Variants in AGPAT3 observed in about 807,000 individuals in gnomAD.
The protein encoded by AGPAT3 is 1-acyl-sn-glycerol-3-phosphate acyltransferase gamma.
Under a neutral mutation model 47.3 loss-of-function variants are expected in AGPAT3, and 5 were observed. That is an observed-to-expected ratio of 0.11 (90% CI 0.06 to 0.22). The LOEUF is 0.22. AGPAT3 is among the 10% of genes least tolerant of loss of function. The pLI is 1.00. For synonymous variants in AGPAT3, 212 were observed against 208.3 expected, an observed-to-expected ratio of 1.02 and a Z score of -0.15; for missense variants, 315 against 493.0, an observed-to-expected ratio of 0.64 and a Z score of 3.42.
intron 1 of AGPAT3, among the ~76,000 whole-genome samples, chr21:43,875,629 A>T (rs889587040): frequency 6.6e-6 from 1 of 152,060 alleles, no homozygotes; most frequent in Admixed American, 6.5e-5. Context: ...TTTTTTTGAG[A>T]TGGAGTCTTG....
intron 4 of AGPAT3, 118 bp from the exon 5 acceptor site, chr21:43,969,000 A>G (rs1158997846): frequency 9.1e-7 from 1 of 1,099,986 alleles, no homozygotes; most frequent in African/African-American, 1.6e-5. Context: ...CCTGAGCCAC[A>G]AAGCCGTGAC....
chr21:43,974,689 AG>A (rs1425415691), intron 7 of AGPAT3, among the ~76,000 whole-genome samples: 1 of 150,740 alleles, frequency 6.6e-6, no homozygotes, highest in Non-Finnish European at 1.5e-5. Context: ...TATATGAATC[AG>A]GGTTGGTGTG....
At chr21:43,877,978 T>C (rs1213376080) in intron 1 of AGPAT3, among the ~76,000 whole-genome samples, 1 of 150,438 alleles carries the variant, frequency 6.6e-6, no homozygotes, top group African/African-American at 2.5e-5. Flanking sequence ...ACCACCAGCC[T>C]CGCTTTCGAC....
rs934285405 is a variant in AGPAT3, at chr21:43,922,930, C to A, written c.-49+18911C>A. Reference sequence around the variant, plus strand: ...CATGGGGCGCCTGTCCCCAGCGGGGCGGGCTCTGGGGTGCGAGCGTCTGTT... The same window carrying A: ...CATGGGGCGCCTGTCCCCAGCGGGGAGGGCTCTGGGGTGCGAGCGTCTGTT... On this transcript the variant is annotated intron_variant, in intron 2 of 9. Transcript: ENST00000291572. This position sits in a 1 kb window ranked among gnomAD's most constrained non-coding sequence, Gnocchi z 4.9. Among the ~76,000 whole-genome samples, 35 of 152,336 alleles carry A rather than the reference C, an allele frequency of 2.3e-4. No homozygotes were observed. Among genetic ancestry groups the A allele is most frequent in the African/African-American group, 8.2e-4 (34 of 41,586 alleles).
intron 2 of AGPAT3, among the ~76,000 whole-genome samples, chr21:43,938,484 G>C (rs1459698585): frequency 1.3e-5 from 2 of 152,014 alleles, no homozygotes; most frequent in African/African-American, 2.4e-5. Flanking sequence ...AATAGAGACA[G>C]GGTTTCACCA....
chr21:43,936,192 T>G (rs9306165), intron 2 of AGPAT3, among the ~76,000 whole-genome samples: 116,260 of 152,166 alleles, frequency 0.76, 44,497 homozygotes, highest in Admixed American at 0.84. Context: ...GCCCAAAGAG[T>G]CCAGGACTGA....
At chr21:43,906,728 C>T (rs117184761) in intron 2 of AGPAT3, among the ~76,000 whole-genome samples, 2,138 of 152,388 alleles carry the variant, frequency 0.014, 24 homozygotes, top group Middle Eastern at 0.048. Context: ...TCGCCGGAGC[C>T]GTGTTCATCA....
intron 6 of AGPAT3, 96 bp from the exon 7 acceptor site, chr21:43,971,292 A>G (rs1455823331): frequency 2.8e-6 from 3 of 1,055,736 alleles, no homozygotes; most frequent in African/African-American, 3.1e-5. Context: ...TCTCCCCAGG[A>G]CGGGGCCGGG....
Position 43,950,525 on chromosome 21 carries a change from T to C in AGPAT3, c.-48-9109T>C, listed in dbSNP as rs76810959. Among the ~76,000 whole-genome samples the C allele has an allele frequency of 2.7e-3, 410 of 152,394 alleles. 2 individuals carry two copies. The highest frequency in any genetic ancestry group is 9.5e-3 in the African/African-American group (397 of 41,592). On this transcript the variant is annotated intron_variant, in intron 2 of 9. Coordinates refer to ENST00000291572, the MANE Select transcript of AGPAT3 (RefSeq NM_020132.5). ...GAATGCTTAGTAGTATCTTCGCTGC[T>C]TACCAGACTTCTCAGATAATGTGGT...
rs1326398487 is a variant in AGPAT3 at position 43,971,467 on chromosome 21, G to A, written c.744G>A (p.Lys248=). The change falls in exon 7 of 10, where the codon AAG becomes AAA. Residue 248 remains lysine, a synonymous_variant. Transcript: ENST00000291572. ...PSLLGILYGK[K]YEADMCVRRF... ...TGCTGGGGATCCTCTACGGGAAGAA[G>A]TACGAGGCGGACATGTGCGTGAGGT... 1.2e-6 allele frequency: 2 copies of A among 1,614,112 alleles called. No homozygotes were observed. The highest frequency in any genetic ancestry group is 4.5e-5 in the East Asian group (2 of 44,894).
At chr21:43,979,481 A>C (rs1426864761) in intron 8 of AGPAT3, among the ~76,000 whole-genome samples, 1 of 152,088 alleles carries the variant, frequency 6.6e-6, no homozygotes, top group Admixed American at 6.5e-5. Context: ...GCCTACATGG[A>C]AACAGAAGAT....
At chr21:43,885,917 G>A (rs2085965825) in intron 1 of AGPAT3, among the ~76,000 whole-genome samples, 1 of 152,244 alleles carries the variant, frequency 6.6e-6, no homozygotes, top group African/African-American at 2.4e-5. Context: ...TGAGGAGCGG[G>A]CCAGTGCTGG....
intron 2 of AGPAT3, among the ~76,000 whole-genome samples, chr21:43,915,691 C>T (rs548614018): frequency 1.2e-4 from 18 of 152,158 alleles, no homozygotes; most frequent in African/African-American, 3.1e-4. Flanking sequence ...GGATTACAGG[C>T]GTGAGCTACT....
chr21:43,881,177 C>T (rs969771261), intron 1 of AGPAT3, among the ~76,000 whole-genome samples: 3 of 152,076 alleles, frequency 2.0e-5, no homozygotes, highest in African/African-American at 7.2e-5. Flanking sequence ...ATAACTGTGT[C>T]ATAATTTTTA....
At chr21:43,947,804 C>T (rs563836132) in intron 2 of AGPAT3, among the ~76,000 whole-genome samples, 2 of 152,018 alleles carry the variant, frequency 1.3e-5, no homozygotes, top group East Asian at 1.9e-4. Context: ...CCACCACACC[C>T]GGCTAATTTT....
rs1343329733 is a variant in AGPAT3 at position 43,982,785 on chromosome 21, C to T, written c.*393C>T. ...GGCCCCTCACCTCTTCTGCACCCCC[C>T]GCCCCCGAAACTGTCTCGTAATGAA... On this transcript the variant is annotated 3_prime_UTR_variant, in exon 10 of 10. Transcript: ENST00000291572. The surrounding 1 kb of genome is among the most constrained non-coding windows in gnomAD (Gnocchi z 6.2). 8 of 174,118 alleles carry T rather than the reference C, an allele frequency of 4.6e-5. No homozygotes were observed. Among genetic ancestry groups the T allele is most frequent in the East Asian group, 3.6e-4 (2 of 5,568 alleles). The allele number at this position is 174,118 out of a possible 1,614,324, so 10.8% of individuals were successfully genotyped here.
At chr21:43,898,142 AG>A (rs2086271726) in intron 1 of AGPAT3, among the ~76,000 whole-genome samples, 5 of 152,280 alleles carry the variant, frequency 3.3e-5, no homozygotes, top group Admixed American at 3.3e-4. Flanking sequence ...GAGAGGGGAG[AG>A]GGAGAGCGAC....
At chr21:43,896,086 T>C (rs2086210224) in intron 1 of AGPAT3, among the ~76,000 whole-genome samples, 1 of 152,196 alleles carries the variant, frequency 6.6e-6, no homozygotes, top group Non-Finnish European at 1.5e-5. Flanking sequence ...GTATTTTTAG[T>C]AGAGATGGGG....
In AGPAT3 at chr21:43,933,337, C is replaced by CA. The variant is rs1477403529; in HGVS notation, c.-48-26297_-48-26296insA. ...GCAGGGTTTTCTCTCCCTTGCGGGT[C>CA]GTCTCTTTACCCTGTCGTTCCCTTT... On this transcript the variant is annotated intron_variant, in intron 2 of 9. Coordinates refer to ENST00000291572, the MANE Select transcript of AGPAT3 (RefSeq NM_020132.5). This position sits in a 1 kb window ranked among gnomAD's most constrained non-coding sequence, Gnocchi z 6.0. Among the ~76,000 whole-genome samples, 1 of 152,128 alleles carries CA rather than the reference C, an allele frequency of 6.6e-6. No homozygotes were observed. The highest frequency in any genetic ancestry group is 1.9e-4 in the East Asian group (1 of 5,202).
Sources: allele counts gnomAD v4.1 joint callset (sites outside exome capture counted in the v4.1 genomes callset), GRCh38; gene constraint gnomAD v4.1.1; non-coding constraint Gnocchi (gnomAD v3.1); transcripts MANE v1.5; gene names NCBI Gene and HGNC (gene_info 2026-07-23, HGNC 2026-07-21).